Variants in CDYL2 observed in about 807,000 individuals in gnomAD.
CDYL2 encodes chromodomain Y-like protein 2.
A neutral mutation model predicts 49.4 loss-of-function variants in CDYL2; 23 were observed. The observed-to-expected ratio is 0.47, with a 90% confidence interval of 0.34 to 0.66. The LOEUF (loss-of-function observed/expected upper bound fraction) is 0.66. Among genes scored for constraint, CDYL2 ranks in the 30% least tolerant of loss-of-function variants. The pLI is 0.01. For missense variants in CDYL2, 678 were observed against 656.4 expected (o/e 1.03, Z -0.36); for synonymous variants, 360 against 268.8 (o/e 1.34, Z -3.32).
intron 1 of CDYL2, among the ~76,000 whole-genome samples, chr16:80,727,854 G>C (rs922030550): frequency 2.6e-5 from 4 of 152,066 alleles, no homozygotes; most frequent in African/African-American, 9.7e-5. Flanking sequence ...CACCTCACAC[G>C]GCCAGGTACT....
chr16:80,772,665 A>C (rs1906946336), intron 1 of CDYL2, among the ~76,000 whole-genome samples: 1 of 152,068 alleles, frequency 6.6e-6, no homozygotes, highest in African/African-American at 2.4e-5. Context: ...GTTAGCCAGG[A>C]TGGTCTCAAT....
chr16:80,791,849 T>G (rs940687989), intron 1 of CDYL2, among the ~76,000 whole-genome samples: 1 of 152,128 alleles, frequency 6.6e-6, no homozygotes, highest in Non-Finnish European at 1.5e-5. Context: ...TGGACATTGT[T>G]GAAAGACTCA....
Position 80,728,705 on chromosome 16 carries a change from G to A in CDYL2, c.25-43576C>T, listed in dbSNP as rs540698152. Reference sequence around the variant, plus strand: ...TTAAGGGCAGCCAGAGAGAAAGGTCGGGTTACCCACAAAGGGAAGCCCATC... The same window carrying A: ...TTAAGGGCAGCCAGAGAGAAAGGTCAGGTTACCCACAAAGGGAAGCCCATC... On this transcript the variant is annotated intron_variant, in intron 1 of 6. Coordinates refer to ENST00000570137, the MANE Select transcript of CDYL2 (RefSeq NM_152342.4). 1.3e-3 allele frequency among the ~76,000 whole-genome samples: 205 copies of A among 152,146 alleles called. 1 individual carries two copies. The highest frequency in any genetic ancestry group is 4.7e-3 in the African/African-American group (194 of 41,496).
chr16:80,641,303 T>G (rs562141455), intron 2 of CDYL2, among the ~76,000 whole-genome samples: 1 of 152,160 alleles, frequency 6.6e-6, no homozygotes, highest in East Asian at 1.9e-4. Context: ...GAGAATGGCA[T>G]GACATATTTA....
chr16:80,788,477 C>T (rs1385705530), intron 1 of CDYL2, among the ~76,000 whole-genome samples: 1 of 152,140 alleles, frequency 6.6e-6, no homozygotes, highest in East Asian at 1.9e-4. Flanking sequence ...CATGGAAAAC[C>T]AGGAAGATTT....
At chr16:80,668,603 G>A (rs1909369488) in intron 2 of CDYL2, among the ~76,000 whole-genome samples, 1 of 152,026 alleles carries the variant, frequency 6.6e-6, no homozygotes, top group Non-Finnish European at 1.5e-5. Context: ...GATTTGGGAA[G>A]GGAGAATATG....
intron 1 of CDYL2, among the ~76,000 whole-genome samples, chr16:80,799,715 C>A (rs1482729563): frequency 6.6e-6 from 1 of 152,202 alleles, no homozygotes; most frequent in Non-Finnish European, 1.5e-5. Context: ...TAAGGAATGA[C>A]CTGACATAAA....
intron 1 of CDYL2, among the ~76,000 whole-genome samples, chr16:80,772,943 G>A (rs553760066): frequency 7.3e-4 from 111 of 152,182 alleles, no homozygotes; most frequent in African/African-American, 2.6e-3. Flanking sequence ...TGCAATGGTA[G>A]TTTTAAGCTC....
chr16:80,741,558 C>G (rs143615319), intron 1 of CDYL2, among the ~76,000 whole-genome samples: 13 of 151,944 alleles, frequency 8.6e-5, no homozygotes, highest in African/African-American at 3.1e-4. Context: ...ATCTAAGAAA[C>G]AGATGAACAT....
chr16:80,637,693 T>A (rs1907901695), intron 2 of CDYL2, among the ~76,000 whole-genome samples: 1 of 152,126 alleles, frequency 6.6e-6, no homozygotes, highest in Non-Finnish European at 1.5e-5. Context: ...AATAGTACAA[T>A]GGAGAGATTA....
chr16:80,730,330 G>A (rs1268378591), intron 1 of CDYL2, among the ~76,000 whole-genome samples: 4 of 151,810 alleles, frequency 2.6e-5, no homozygotes, highest in East Asian at 3.9e-4. Flanking sequence ...ACACCTCTAC[G>A]CAAATAAACT....
intron 1 of CDYL2, among the ~76,000 whole-genome samples, chr16:80,783,598 G>T (rs1012866195): frequency 4.6e-5 from 7 of 152,120 alleles, no homozygotes; most frequent in African/African-American, 1.7e-4. Flanking sequence ...GTCCACCAAC[G>T]GATGAATGCA....
At chr16:80,726,026 G>A (rs1419884578) in intron 1 of CDYL2, among the ~76,000 whole-genome samples, 1 of 152,152 alleles carries the variant, frequency 6.6e-6, no homozygotes, top group Non-Finnish European at 1.5e-5. Context: ...CATTATGTAT[G>A]TCTGAGTCAC....
intron 1 of CDYL2, among the ~76,000 whole-genome samples, chr16:80,687,350 C>T (rs1390034378): frequency 1.3e-5 from 2 of 152,020 alleles, no homozygotes; most frequent in South Asian, 2.1e-4. Context: ...AGACAAATAG[C>T]CAACACAATG....
At chr16:80,712,187 G>GTA (rs1464649825) in intron 1 of CDYL2, among the ~76,000 whole-genome samples, 24 of 38,092 alleles carry the variant, frequency 6.3e-4, no homozygotes, top group South Asian at 8.5e-4. Context: ...TTGTGTCTGT[G>GTA]TGTGTATATA....
At chr16:80,756,462 T>C (rs571464799) in intron 1 of CDYL2, among the ~76,000 whole-genome samples, 1 of 152,188 alleles carries the variant, frequency 6.6e-6, no homozygotes, top group African/African-American at 2.4e-5. Context: ...GAACAATAAA[T>C]TTGAAAATCC....
chr16:80,734,530 G>C (rs992579643), intron 1 of CDYL2, among the ~76,000 whole-genome samples: 11 of 152,168 alleles, frequency 7.2e-5, no homozygotes, highest in Non-Finnish European at 1.2e-4. Flanking sequence ...AGCAACTGGA[G>C]AGAAACTCAG....
chr16:80,687,839 G>A (rs751825237), intron 1 of CDYL2, among the ~76,000 whole-genome samples: 7 of 152,094 alleles, frequency 4.6e-5, no homozygotes, highest in African/African-American at 1.2e-4. Flanking sequence ...GGGTTGTTGC[G>A]GAAAATACAC....
At chr16:80,756,401 GAA>G (rs778985700) in intron 1 of CDYL2, among the ~76,000 whole-genome samples, 81 of 151,900 alleles carry the variant, frequency 5.3e-4, no homozygotes, top group Non-Finnish European at 1.1e-3. Context: ...AAGAATAAAA[GAA>G]TATATAACAA....
Sources: gnomAD v4.1 joint callset for allele counts (sites outside exome capture counted in the v4.1 genomes callset) on GRCh38, gnomAD v4.1.1 for gene constraint, MANE v1.5 for transcripts, NCBI Gene and HGNC (gene_info 2026-07-23, HGNC 2026-07-21) for gene names.